NBPF9: variants seen among roughly 807,000 people sequenced by gnomAD.
NBPF9 encodes the protein NBPF family member NBPF9.
A neutral mutation model predicts 97.8 loss-of-function variants in NBPF9; 91 were observed. The ratio of observed to expected loss-of-function variants is 0.93; its 90% confidence interval spans 0.79 to 1.11. NBPF9 has a LOEUF of 1.11. Among genes scored for constraint, NBPF9 ranks in the 50% least tolerant of loss-of-function variants. NBPF9 has a pLI of 0.00. For synonymous variants in NBPF9, 334 were observed against 359.5 expected, an observed-to-expected ratio of 0.93 and a Z score of 0.80; for missense variants, 992 against 939.5, an observed-to-expected ratio of 1.06 and a Z score of -0.73.
chr1:149,098,482 T>C (rs1469354599), exon 4 of NBPF9: 17 of 1,527,606 alleles, frequency 1.1e-5, no homozygotes, highest in Non-Finnish European at 1.4e-5. Context: ...CCGTGTGAGG[T>C]TGCTCTTGGT....
intron 4 of NBPF9, among the ~76,000 whole-genome samples, chr1:149,094,833 C>A (rs1367977554): frequency 7.0e-6 from 1 of 143,218 alleles, no homozygotes; most frequent in Non-Finnish European, 1.5e-5. Context: ...CAAGGAGTCA[C>A]AGCTCACAGG....
At chr1:149,103,208 C>G (rs1297973418) in intron 1 of NBPF9, 93 bp downstream of exon 1, 28 of 150,622 alleles carry the variant, frequency 1.9e-4, no homozygotes, top group African/African-American at 6.5e-4. Context: ...CTCCGTCGCT[C>G]GCAACAAAGC....
chr1:149,071,226 G>A (rs1287677978), intron 15 of NBPF9, 87 bp from the exon 16 acceptor site: 6 of 1,188,608 alleles, frequency 5.0e-6, no homozygotes, highest in Admixed American at 1.9e-5. Flanking sequence ...TTGACAGGCG[G>A]CATTAAGAGA....
chr1:149,103,255 C>T (rs1553663749), intron 1 of NBPF9, 46 bp downstream of exon 1: 1 of 151,156 alleles, frequency 6.6e-6, no homozygotes, highest in Admixed American at 6.6e-5. Flanking sequence ...TGTGTACCCG[C>T]GGGTCCCGGA....
chr1:149,081,018 G>A (rs1201696364), intron 7 of NBPF9, among the ~76,000 whole-genome samples: 1 of 151,892 alleles, frequency 6.6e-6, no homozygotes, highest in African/African-American at 2.4e-5. Flanking sequence ...ATTCTCGGGT[G>A]TGATCTTTCT....
chr1:149,062,927 A>C lies in NBPF9; in HGVS notation c.2027-14T>G. 2 of 858,766 alleles carry C rather than the reference A, an allele frequency of 2.3e-6. No homozygotes were observed. The highest frequency in any genetic ancestry group is 4.0e-6 in the Non-Finnish European group (2 of 501,420). The allele number at this position is 858,766 out of a possible 1,614,324, so 53.2% of individuals were successfully genotyped here. On this transcript the variant is annotated splice_polypyrimidine_tract_variant and intron_variant, in intron 20 of 29. Coordinates refer to ENST00000584027, the Ensembl canonical transcript of NBPF9. ...ACTTTTCAATTTCTGCAATAAGTTC[A>C]GACATGGACAGTCATATTAAGCTGG...
chr1:149,064,444 C>T, exon 19 of NBPF9: 6 of 1,228,338 alleles, frequency 4.9e-6, no homozygotes, highest in South Asian at 1.2e-5. Context: ...GGACCTGTTG[C>T]CTCTTGGTCC....
exon 12 of NBPF9, chr1:149,075,655 T>G (rs781993855): frequency 1.9e-6 from 3 of 1,608,312 alleles, no homozygotes; most frequent in Non-Finnish European, 1.7e-6. Context: ...TAGATCTTAC[T>G]GTATTTGTTC....
chr1:149,100,847 A>G (rs1288932899), intron 3 of NBPF9, among the ~76,000 whole-genome samples: 5 of 151,606 alleles, frequency 3.3e-5, no homozygotes, highest in Admixed American at 2.6e-4. Context: ...AGGTGGGAGG[A>G]TCGCTTGAGC....
intron 21 of NBPF9, 98 bp downstream of exon 21, chr1:149,062,764 C>T (rs1414545881): frequency 1.9e-5 from 15 of 774,688 alleles, no homozygotes; most frequent in Non-Finnish European, 3.1e-5. Context: ...ATTCAACCTC[C>T]GTTGAAAACA....
chr1:149,085,076 A>G (rs1553658051), intron 5 of NBPF9, among the ~76,000 whole-genome samples: 1 of 151,914 alleles, frequency 6.6e-6, no homozygotes, highest in East Asian at 1.9e-4. Flanking sequence ...TTTCCTTCAC[A>G]TACACACACC....
At position 149,059,786 on chromosome 1, in the gene NBPF9, C is replaced by T; in HGVS notation, c.2499G>A (p.Gly833=). Residue 833 remains glycine, a synonymous_variant, in exon 25 of 30, where the codon GGG becomes GGA. Transcript: ENST00000584027. ...TTGATCTTCTTCCCCTTCTTTTCTTCCCCTTCCCCTTCTTTTCAATTTCTG... is the reference window on the plus strand; with the variant it reads ...TTGATCTTCTTCCCCTTCTTTTCTTTCCCTTCCCCTTCTTTTCAATTTCTG... The T allele has an allele frequency of 7.6e-6, 4 of 528,918 alleles. 1 individual carries two copies. Among genetic ancestry groups the T allele is most frequent in the South Asian group, 4.1e-5 (2 of 49,304 alleles). The allele number at this position is 528,918 out of a possible 1,614,324, so 32.8% of individuals were successfully genotyped here.
At chr1:149,058,836 C>G (rs1294764478) in intron 26 of NBPF9, 89 bp downstream of exon 26, 7 of 711,128 alleles carry the variant, frequency 9.8e-6, no homozygotes, top group African/African-American at 1.8e-5. Flanking sequence ...TGACATCTCT[C>G]AGGTCAGTAA....
At chr1:149,059,701 T>A (rs1462516792) in exon 25 of NBPF9, 1 of 566,208 alleles carries the variant, frequency 1.8e-6, no homozygotes, top group African/African-American at 2.5e-5. Context: ...GAAAGTCACC[T>A]GGGGCATGGT....
rs1411735373 is a variant in NBPF9 at position 149,058,162 on chromosome 1, A to C, written c.2810+2T>G. Reference sequence around the variant, plus strand: ...AGTAGATGTTCACAATTGCTCAGTTACCTGGGGCATGGTGGGCCTTGGTCT... The same window carrying C: ...AGTAGATGTTCACAATTGCTCAGTTCCCTGGGGCATGGTGGGCCTTGGTCT... On this transcript the variant is annotated splice_donor_variant, in intron 27 of 29. Coordinates refer to ENST00000584027, the Ensembl canonical transcript of NBPF9. LOFTEE classifies it high-confidence loss of function. The C allele has an allele frequency of 1.7e-6, 1 of 587,928 alleles. No homozygotes were observed. The highest frequency in any genetic ancestry group is 3.5e-5 in the African/African-American group (1 of 28,654). The allele number at this position is 587,928 out of a possible 1,614,324, so 36.4% of individuals were successfully genotyped here. A position where few individuals can be genotyped will look rare whatever the true frequency, so the allele number is the denominator to read the frequency against.
chr1:149,082,145 C>T lies in NBPF9; in HGVS notation c.-6G>A, dbSNP rs1400046496. Reference sequence around the variant, plus strand: ...GGGCCGGCTGATACCACCATGCTGACGTTTGTGGCAGAAGAGGTGGGGCCA... The same window carrying T: ...GGGCCGGCTGATACCACCATGCTGATGTTTGTGGCAGAAGAGGTGGGGCCA... On this transcript the variant is annotated 5_prime_UTR_variant, in exon 7 of 30. Coordinates refer to ENST00000584027, the Ensembl canonical transcript of NBPF9. 7.6e-4 allele frequency: 1,229 copies of T among 1,611,942 alleles called. 9 individuals are homozygous for T. The African/African-American group carries it at 0.014, about 18-fold the overall frequency.
chr1:149,074,121 G>A (rs1278232344), intron 12 of NBPF9, among the ~76,000 whole-genome samples: 5 of 151,284 alleles, frequency 3.3e-5, no homozygotes, highest in African/African-American at 4.8e-5. Flanking sequence ...CAACCACAAC[G>A]AAGTGGAGTC....
chr1:149,055,552 TC>T, exon 30 of NBPF9: 2 of 1,567,658 alleles, frequency 1.3e-6, no homozygotes, highest in Middle Eastern at 2.4e-4. Flanking sequence ...CACTGACCCA[TC>T]CTATGTCTGG....
intron 3 of NBPF9, among the ~76,000 whole-genome samples, chr1:149,099,307 C>T (rs1353562416): frequency 4.6e-5 from 7 of 152,328 alleles, no homozygotes; most frequent in African/African-American, 1.4e-4. Flanking sequence ...ATCTTAGCAG[C>T]AACACATACA....
Sources: gnomAD v4.1 joint callset for allele counts (sites outside exome capture counted in the v4.1 genomes callset) on GRCh38, gnomAD v4.1.1 for gene constraint, MANE v1.5 for transcripts, NCBI Gene and HGNC (gene_info 2026-07-23, HGNC 2026-07-21) for gene names.